The following KATNAL2 variants were observed in gnomAD, a reference collection of about 807,000 sequenced individuals.
KATNAL2 encodes katanin catalytic subunit A1 like 2.
Under a neutral mutation model 76.3 loss-of-function variants are expected in KATNAL2, and 52 were observed. That is an observed-to-expected ratio of 0.68 (90% CI 0.55 to 0.86). The LOEUF (loss-of-function observed/expected upper bound fraction) is 0.86. Ranked by LOEUF, KATNAL2 falls within the 40% of genes least tolerant of loss-of-function variation. The pLI is 0.00. For missense variants in KATNAL2, 660 were observed against 668.9 expected (o/e 0.99, Z 0.15); for synonymous variants, 243 against 244.2 (o/e 1.00, Z 0.05).
chr18:47,031,796 G>C (rs969392769), intron 3 of KATNAL2, among the ~76,000 whole-genome samples: 1 of 152,060 alleles, frequency 6.6e-6, no homozygotes, highest in Admixed American at 6.6e-5. Flanking sequence ...GTTTTATATG[G>C]TTACTGGCAG....
chr18:47,033,612 G>A (rs763196399), intron 3 of KATNAL2: 1 of 1,614,088 alleles, frequency 6.2e-7, no homozygotes, highest in Non-Finnish European at 8.5e-7. Context: ...GAACCCAGTA[G>A]GGGACCTCTC....
chr18:46,931,136 T>TAATAAA (rs1555824607), intron 1 of KATNAL2, among the ~76,000 whole-genome samples: 3 of 132,768 alleles, frequency 2.3e-5, no homozygotes, highest in African/African-American at 8.6e-5. Context: ...ATAATAATAA[T>TAATAAA]AATAAATAAA....
rs532238306 is a variant in KATNAL2 at position 46,951,863 on chromosome 18, C to T, written c.51+4940C>T. On this transcript the variant is annotated intron_variant, in intron 3 of 17. Transcript: ENST00000683218. ...TTGGCTCACTGTAACCTCCACCTCCCGGGTTCAAGCTATTATTCCCAGGCC... is the reference window on the plus strand; with the variant it reads ...TTGGCTCACTGTAACCTCCACCTCCTGGGTTCAAGCTATTATTCCCAGGCC... Among the ~76,000 whole-genome samples, 18 of 152,198 alleles carry T rather than the reference C, an allele frequency of 1.2e-4. 1 individual carries two copies. Among genetic ancestry groups the T allele is most frequent in the East Asian group, 9.7e-4 (5 of 5,168 alleles).
intron 15 of KATNAL2, among the ~76,000 whole-genome samples, chr18:47,094,583 A>G (rs1003960164): frequency 2.6e-5 from 4 of 152,210 alleles, no homozygotes; most frequent in Non-Finnish European, 5.9e-5. Flanking sequence ...AGCTCTGTGC[A>G]TGTGGCAAAG....
At chr18:47,033,866 C>G in intron 3 of KATNAL2, 2 of 1,613,984 alleles carry the variant, frequency 1.2e-6, no homozygotes, top group Non-Finnish European at 1.7e-6. Flanking sequence ...ATCCAGGCCT[C>G]TGAGAGGTCC....
At chr18:47,036,537 G>C (rs2060781583) in intron 3 of KATNAL2, among the ~76,000 whole-genome samples, 1 of 152,148 alleles carries the variant, frequency 6.6e-6, no homozygotes, top group South Asian at 2.1e-4. Context: ...GTGTAGCCAT[G>C]TTTTATCCCC....
At chr18:47,062,853 C>G (rs1271828745) in intron 8 of KATNAL2, 119 bp from the exon 9 acceptor site, 3 of 632,450 alleles carry the variant, frequency 4.7e-6, no homozygotes, top group Non-Finnish European at 7.9e-6. Flanking sequence ...TAAAGCTTAA[C>G]TTGAAGTTTG....
intron 1 of KATNAL2, among the ~76,000 whole-genome samples, chr18:46,934,236 A>G (rs564407098): frequency 6.6e-6 from 1 of 152,270 alleles, no homozygotes; most frequent in East Asian, 1.9e-4. Context: ...GACTTCCACA[A>G]TGGTTGAACT....
intron 11 of KATNAL2, among the ~76,000 whole-genome samples, chr18:47,068,181 G>T (rs947748824): frequency 2.0e-5 from 3 of 152,192 alleles, no homozygotes; most frequent in Non-Finnish European, 4.4e-5. Flanking sequence ...GGAGAAATAG[G>T]CTCCATTTCT....
At chr18:47,037,005 A>G (rs1295636971) in intron 3 of KATNAL2, among the ~76,000 whole-genome samples, 1 of 152,264 alleles carries the variant, frequency 6.6e-6, no homozygotes, top group Non-Finnish European at 1.5e-5. Context: ...GGAATATTAG[A>G]TGCAGGGACT....
At chr18:46,940,375 A>G (rs1428208990) in intron 1 of KATNAL2, among the ~76,000 whole-genome samples, 2 of 152,236 alleles carry the variant, frequency 1.3e-5, no homozygotes, top group Non-Finnish European at 2.9e-5. Context: ...CTTACATTCC[A>G]ACAATCTTTG....
chr18:47,071,906 T>TAAA lies in KATNAL2; in HGVS notation c.1008+2318_1008+2320dup, dbSNP rs775058447. ...TGGAGTGGGAGCAAAAAAAATTAAT[T>TAAA]AAAAAAAAAAAAAAGAGTGAGGAAA... On this transcript the variant is annotated intron_variant, in intron 13 of 17. Coordinates refer to ENST00000683218, the MANE Select transcript of KATNAL2 (RefSeq NM_001387690.1). Among the ~76,000 whole-genome samples the TAAA allele has an allele frequency of 1.0e-4, 11 of 105,360 alleles. 1 individual carries two copies. The highest frequency in any genetic ancestry group is 1.8e-4 in the Non-Finnish European group (9 of 50,754). The allele number at this position is 105,360 out of a possible 152,430, so 69.1% of individuals were successfully genotyped here. A position where few individuals can be genotyped will look rare whatever the true frequency, so the allele number is the denominator to read the frequency against.
At chr18:46,938,547 A>G (rs1471245968) in intron 1 of KATNAL2, among the ~76,000 whole-genome samples, 1 of 152,208 alleles carries the variant, frequency 6.6e-6, no homozygotes, top group Non-Finnish European at 1.5e-5. Context: ...CACAAAATAT[A>G]TCCTAACTCT....
At chr18:47,057,175 GA>G (rs1599694449) in intron 6 of KATNAL2, among the ~76,000 whole-genome samples, 2 of 152,188 alleles carry the variant, frequency 1.3e-5, no homozygotes, top group East Asian at 3.9e-4. Flanking sequence ...ATAAAGAAAG[GA>G]AGTTGAAATA....
At chr18:46,944,199 T>C (rs1599392377) in intron 1 of KATNAL2, among the ~76,000 whole-genome samples, 1 of 152,202 alleles carries the variant, frequency 6.6e-6, no homozygotes, top group South Asian at 2.1e-4. Flanking sequence ...TCAAAGGTTA[T>C]AGTTTCATTG....
At chr18:47,089,384 A>G (rs1214187963) in intron 15 of KATNAL2, among the ~76,000 whole-genome samples, 11 of 152,156 alleles carry the variant, frequency 7.2e-5, no homozygotes, top group Admixed American at 7.2e-4. Context: ...CAATTTTGGT[A>G]ATATATTTTC....
At chr18:47,035,689 C>G (rs2060743065) in intron 3 of KATNAL2, 1 of 289,100 alleles carries the variant, frequency 3.5e-6, no homozygotes, top group African/African-American at 2.2e-5. Context: ...TCGGGACGGT[C>G]CACGCCAGGT....
intron 3 of KATNAL2, among the ~76,000 whole-genome samples, chr18:46,955,550 T>C (rs1198665647): frequency 6.6e-6 from 1 of 151,588 alleles, no homozygotes; most frequent in Admixed American, 6.6e-5. Context: ...TCTTTATTTC[T>C]TTCATTCTTT....
rs370829337 is a variant in KATNAL2, at chr18:47,097,877, C to T, written c.1212-1366C>T. Among the ~76,000 whole-genome samples the T allele has an allele frequency of 1.6e-4, 24 of 152,234 alleles. No individual in the cohort carries two copies. The South Asian group carries it at 5.0e-3, about 32-fold the overall frequency. ...TAGTTGTTTTTCCTGATCCTCTCCT[C>T]CTCCCACCCTCCACCCTGACTGGAG... is the stretch of plus-strand genomic sequence containing the variant. On this transcript the variant is annotated intron_variant, in intron 15 of 17. Transcript: ENST00000683218.
Sources: gnomAD v4.1 joint callset for allele counts (sites outside exome capture counted in the v4.1 genomes callset) on GRCh38, gnomAD v4.1.1 for gene constraint, MANE v1.5 for transcripts, NCBI Gene and HGNC (gene_info 2026-07-23, HGNC 2026-07-21) for gene names.